Variants in CNTNAP5 observed in about 807,000 individuals in gnomAD.
CNTNAP5 encodes the protein contactin associated protein family member 5, also known as contactin-associated protein-like 5.
In CNTNAP5, 72 loss-of-function variants were observed where a neutral mutation model predicts 150.2. That is an observed-to-expected ratio of 0.48 (90% CI 0.40 to 0.58). The LOEUF is 0.58. Ranked by LOEUF, CNTNAP5 falls within the 20% of genes least tolerant of loss-of-function variation. The pLI is 0.00. For synonymous variants in CNTNAP5, 672 were observed against 619.8 expected (o/e 1.08, Z -1.25); for missense variants, 1,636 against 1,626.2 (o/e 1.01, Z -0.10).
chr2:124,260,857 A>G (rs1687435260), intron 3 of CNTNAP5, among the ~76,000 whole-genome samples: 1 of 152,204 alleles, frequency 6.6e-6, no homozygotes, highest in Admixed American at 6.6e-5. Flanking sequence ...CTAGTTAGAT[A>G]TAATACATGT....
intron 3 of CNTNAP5, among the ~76,000 whole-genome samples, chr2:124,259,620 AT>A (rs1687402301): frequency 6.6e-6 from 1 of 152,080 alleles, no homozygotes; most frequent in Non-Finnish European, 1.5e-5. Flanking sequence ...GATGATGAGC[AT>A]TTTTTCATGT....
intron 11 of CNTNAP5, among the ~76,000 whole-genome samples, chr2:124,604,410 C>G (rs1183114429): frequency 6.6e-6 from 1 of 152,034 alleles, no homozygotes; most frequent in Non-Finnish European, 1.5e-5. Flanking sequence ...ACTACTGTTT[C>G]AATATCAAAT....
intron 1 of CNTNAP5, among the ~76,000 whole-genome samples, chr2:124,083,261 T>C (rs998367320): frequency 6.6e-6 from 1 of 152,160 alleles, no homozygotes; most frequent in Non-Finnish European, 1.5e-5. Context: ...GGCAGGAGAA[T>C]TGCTTGAACC....
At chr2:124,700,661 CT>C (rs1214492934) in intron 13 of CNTNAP5, among the ~76,000 whole-genome samples, 2 of 151,996 alleles carry the variant, frequency 1.3e-5, no homozygotes, top group Non-Finnish European at 2.9e-5. Flanking sequence ...AATTGCATTA[CT>C]TTTCTTTGTG....
intron 1 of CNTNAP5, among the ~76,000 whole-genome samples, chr2:124,043,560 C>A (rs926842919): frequency 2.0e-5 from 3 of 152,008 alleles, no homozygotes; most frequent in Non-Finnish European, 2.9e-5. Context: ...TTCCCTTGGA[C>A]TTCCCATCAT....
At chr2:124,120,898 T>G (rs1683544237) in intron 1 of CNTNAP5, among the ~76,000 whole-genome samples, 1 of 152,304 alleles carries the variant, frequency 6.6e-6, no homozygotes, top group Admixed American at 6.5e-5. Context: ...GCTCTTCTTT[T>G]TAAGTTGAGG....
intron 4 of CNTNAP5, among the ~76,000 whole-genome samples, chr2:124,425,794 C>T (rs1408041547): frequency 2.6e-5 from 4 of 152,150 alleles, no homozygotes; most frequent in Admixed American, 1.3e-4. Context: ...TCGAGTTCCT[C>T]GGTGGCATGG....
At chr2:124,382,677 A>G (rs958228828) in intron 3 of CNTNAP5, among the ~76,000 whole-genome samples, 22 of 152,102 alleles carry the variant, frequency 1.4e-4, no homozygotes, top group Non-Finnish European at 2.8e-4. Context: ...AAGAGAGATT[A>G]TTTGCAAGAA....
Position 124,338,661 on chromosome 2 carries a change from A to G in CNTNAP5, c.382-78782A>G, listed in dbSNP as rs533421794. 3.4e-4 allele frequency among the ~76,000 whole-genome samples: 52 copies of G among 152,284 alleles called. 1 individual carries two copies. The South Asian group carries it at 3.7e-3, about 11-fold the overall frequency. On this transcript the variant is annotated intron_variant, in intron 3 of 23. Transcript: ENST00000682447. The stretch of plus-strand genomic sequence containing the variant: ...AATACAATTGCAATTTTCTTTAGAA[A>G]AAATTTCCTCAGTCAGATAAGGGAA...
At chr2:124,074,896 T>C (rs1682401327) in intron 1 of CNTNAP5, among the ~76,000 whole-genome samples, 1 of 152,156 alleles carries the variant, frequency 6.6e-6, no homozygotes, top group South Asian at 2.1e-4. Context: ...TCATTTACTG[T>C]GAGCAAAGCA....
intron 13 of CNTNAP5, among the ~76,000 whole-genome samples, chr2:124,667,966 C>A (rs1678735291): frequency 6.6e-6 from 1 of 152,146 alleles, no homozygotes; most frequent in Admixed American, 6.5e-5. Flanking sequence ...GAAAGCTTTG[C>A]CACAGACGAA....
chr2:124,507,555 GT>G (rs1490133253), intron 8 of CNTNAP5, among the ~76,000 whole-genome samples: 2 of 152,204 alleles, frequency 1.3e-5, no homozygotes, highest in Admixed American at 6.5e-5. Context: ...AGGAGGTTCT[GT>G]TTACCAAGGT....
chr2:124,784,806 A>T (rs1249430323), intron 17 of CNTNAP5, among the ~76,000 whole-genome samples: 1 of 152,128 alleles, frequency 6.6e-6, no homozygotes, highest in Non-Finnish European at 1.5e-5. Context: ...AAATCTGTTT[A>T]ATTCCCCACT....
At chr2:124,065,873 C>T (rs898109483) in intron 1 of CNTNAP5, among the ~76,000 whole-genome samples, 6 of 152,124 alleles carry the variant, frequency 3.9e-5, no homozygotes, top group Non-Finnish European at 7.4e-5. Context: ...TGTTAGTCTC[C>T]GTCTGGAGGT....
chr2:124,519,423 T>C (rs1330427947), intron 8 of CNTNAP5, among the ~76,000 whole-genome samples: 4 of 152,208 alleles, frequency 2.6e-5, no homozygotes, highest in Admixed American at 1.3e-4. Flanking sequence ...ATAAAACTTT[T>C]CAGAGCTTTT....
In CNTNAP5 at chr2:124,895,154, T is replaced by C. The variant is rs1008403443; in HGVS notation, c.3437-7728T>C. ...TTGGTTATATTTTTTTTACTTCTTG[T>C]ATCATTAATATCTACCTATCATCTA... is the stretch of plus-strand genomic sequence containing the variant. On this transcript the variant is annotated intron_variant, in intron 21 of 23. Transcript: ENST00000682447. 2.6e-5 allele frequency among the ~76,000 whole-genome samples: 4 copies of C among 151,622 alleles called. 1 individual carries two copies. The highest frequency in any genetic ancestry group is 4.9e-5 in the African/African-American group (2 of 40,922).
intron 13 of CNTNAP5, among the ~76,000 whole-genome samples, chr2:124,702,157 A>G (rs1209137861): frequency 6.6e-6 from 1 of 151,852 alleles, no homozygotes; most frequent in Non-Finnish European, 1.5e-5. Flanking sequence ...TGATCCATTC[A>G]GGGCTAGCGG....
chr2:124,154,102 T>C (rs1480442857), intron 1 of CNTNAP5, among the ~76,000 whole-genome samples: 1 of 152,158 alleles, frequency 6.6e-6, no homozygotes, highest in Non-Finnish European at 1.5e-5. Context: ...TTATTTAACC[T>C]CCAATGTCCT....
intron 3 of CNTNAP5, among the ~76,000 whole-genome samples, chr2:124,247,683 C>T (rs1405765041): frequency 6.6e-6 from 1 of 151,794 alleles, no homozygotes; most frequent in Non-Finnish European, 1.5e-5. Context: ...GTATTAAGGA[C>T]ACAAAAAAAT....
Sources: gnomAD v4.1 joint callset for allele counts (sites outside exome capture counted in the v4.1 genomes callset) on GRCh38, gnomAD v4.1.1 for gene constraint, MANE v1.5 for transcripts, NCBI Gene and HGNC (gene_info 2026-07-23, HGNC 2026-07-21) for gene names.